The following PCDHGB1 variants were observed in gnomAD, a reference collection of about 807,000 sequenced individuals.
The protein encoded by PCDHGB1 is protocadherin gamma-B1.
Under a neutral mutation model 56.6 loss-of-function variants are expected in PCDHGB1, and 34 were observed. That is an observed-to-expected ratio of 0.60 (90% CI 0.46 to 0.80). The LOEUF is 0.80. Among genes scored for constraint, PCDHGB1 ranks in the 30% least tolerant of loss-of-function variants. The probability of loss-of-function intolerance (pLI) is 0.00; values close to 1 mark genes in which losing one functional copy is unlikely to be tolerated. For missense variants in PCDHGB1, 1,278 were observed against 1,204.6 expected (o/e 1.06, Z -0.90); for synonymous variants, 561 against 505.9 (o/e 1.11, Z -1.46).
chr5:141,419,744 G>C (rs760207269), intron 1 of PCDHGB1: 1 of 1,613,896 alleles, frequency 6.2e-7, no homozygotes, highest in Non-Finnish European at 8.5e-7. Context: ...GGTGCGCATG[G>C]TGCGTGCTTT....
In PCDHGB1 at chr5:141,415,612, G is replaced by A. The variant is rs745660439; in HGVS notation, c.2409+62943G>A. 12 of 1,612,854 alleles carry A rather than the reference G, an allele frequency of 7.4e-6. No homozygotes were observed. The South Asian group carries it at 1.2e-4, about 16-fold the overall frequency. ...TATAGAGGATACCCCATTGGTTCCA[G>A]TGAGTTTTATTTTCATTTTTACTTT... On this transcript the variant is annotated intron_variant, in intron 1 of 3. Transcript: ENST00000523390.
intron 1 of PCDHGB1, chr5:141,404,674 T>C: frequency 1.9e-6 from 3 of 1,614,176 alleles, no homozygotes; most frequent in East Asian, 2.2e-5. Context: ...GTTCTACTGG[T>C]GTGGAGCTGG....
intron 1 of PCDHGB1, among the ~76,000 whole-genome samples, chr5:141,480,615 AT>A (rs1279544819): frequency 2.0e-5 from 3 of 152,218 alleles, no homozygotes; most frequent in African/African-American, 7.2e-5. Context: ...AGCAACTGGC[AT>A]TTTCCCTAGA....
Position 141,487,176 on chromosome 5 carries a change from A to G in PCDHGB1, c.2410-7631A>G. On this transcript the variant is annotated intron_variant, in intron 1 of 3. Coordinates refer to ENST00000523390, the MANE Select transcript of PCDHGB1 (RefSeq NM_018922.3). The surrounding 1 kb of genome is among the most constrained non-coding windows in gnomAD (Gnocchi z 5.0). ...ACTCTCTTAGTGTCCTTAGAGGAAGACACTCATCCAGTTGTCCCAGATCTT... is the reference window on the plus strand; with the variant it reads ...ACTCTCTTAGTGTCCTTAGAGGAAGGCACTCATCCAGTTGTCCCAGATCTT... 1 of 1,613,774 alleles carries G rather than the reference A, an allele frequency of 6.2e-7. No homozygotes were observed. The highest frequency in any genetic ancestry group is 8.5e-7 in the Non-Finnish European group (1 of 1,179,664).
chr5:141,486,725 C>A lies in PCDHGB1; in HGVS notation c.2410-8082C>A. 1 of 1,614,182 alleles carries A rather than the reference C, an allele frequency of 6.2e-7. No individual in the cohort carries two copies. The highest frequency in any genetic ancestry group is 1.1e-5 in the South Asian group (1 of 91,076). On this transcript the variant is annotated intron_variant, in intron 1 of 3. Transcript: ENST00000523390. The surrounding 1 kb of genome is among the most constrained non-coding windows in gnomAD (Gnocchi z 5.0). ...TCTGAACCCCCAGACAGGAGCTGTT[C>A]ATGCTACTCGATCCTTTGACTATGA...
At chr5:141,458,984 C>T (rs2098958355) in intron 1 of PCDHGB1, among the ~76,000 whole-genome samples, 1 of 152,204 alleles carries the variant, frequency 6.6e-6, no homozygotes, top group Non-Finnish European at 1.5e-5. Context: ...CCTCCTGCCT[C>T]ACCCTCCCAA....
In PCDHGB1 at chr5:141,506,418, G is replaced by A. The variant is rs2099853241; in HGVS notation, c.2557+937G>A. Among the ~76,000 whole-genome samples, 3 of 141,160 alleles carry A rather than the reference G, an allele frequency of 2.1e-5. No homozygotes were observed. The South Asian group carries it at 6.6e-4, about 31-fold the overall frequency. 92.6% of individuals were successfully genotyped at this position (141,160 alleles called of 152,430 possible). The stretch of plus-strand genomic sequence containing the variant: ...CAGAAAATCGCACCACTGCACTCCA[G>A]CCTGGGCAACAGTCTCGCTCTGTCT... On this transcript the variant is annotated intron_variant, in intron 3 of 3. Coordinates refer to ENST00000523390, the MANE Select transcript of PCDHGB1 (RefSeq NM_018922.3).
chr5:141,372,939 G>T (rs1026338118), intron 1 of PCDHGB1: 1 of 824,796 alleles, frequency 1.2e-6, no homozygotes, highest in Non-Finnish European at 1.8e-6. Context: ...GTAGAGTAGG[G>T]TGTCTAGGAA....
chr5:141,439,115 C>A (rs2098087976), intron 1 of PCDHGB1, among the ~76,000 whole-genome samples: 1 of 151,476 alleles, frequency 6.6e-6, no homozygotes, highest in Non-Finnish European at 1.5e-5. Context: ...ATCACTTGAA[C>A]CCGGGAGACA....
chr5:141,422,883 C>A, intron 1 of PCDHGB1: 1 of 1,614,242 alleles, frequency 6.2e-7, no homozygotes, highest in Non-Finnish European at 8.5e-7. Flanking sequence ...TGAGCCTGTT[C>A]GTGCTGGACC....
chr5:141,433,401 A>ATCTATCTATCTATCTC (rs1444244130), intron 1 of PCDHGB1, among the ~76,000 whole-genome samples: 1 of 150,482 alleles, frequency 6.6e-6, no homozygotes, highest in African/African-American at 2.4e-5. Context: ...CTATCTATCT[A>ATCTATCTATCTATCTC]TCTATTACTT....
Position 141,477,931 on chromosome 5 carries a change from G to T in PCDHGB1, c.2410-16876G>T. 6.2e-7 allele frequency: 1 copy of T among 1,614,138 alleles called. No homozygotes were observed. Among genetic ancestry groups the T allele is most frequent in the Non-Finnish European group, 8.5e-7 (1 of 1,180,040 alleles). ...ACGCGGATGCAGGGCACAATGCCTG[G>T]CTCTCCTACAGTCTCTTGGGATCCC... On this transcript the variant is annotated intron_variant, in intron 1 of 3. Coordinates refer to ENST00000523390, the MANE Select transcript of PCDHGB1 (RefSeq NM_018922.3). This position sits in a 1 kb window ranked among gnomAD's most constrained non-coding sequence, Gnocchi z 4.9.
At position 141,511,313 on chromosome 5, in the gene PCDHGB1, CAGAA is replaced by C; in HGVS notation, c.*142_*145del. The C allele has an allele frequency of 2.0e-6, 3 of 1,482,944 alleles. No homozygotes were observed. In the South Asian group the frequency reaches 4.1e-5, roughly 20 times the overall value. 91.9% of individuals were successfully genotyped at this position (1,482,944 alleles called of 1,614,324 possible). ...CCAAGGCCATGCTCCCCTTGGGAAA[CAGAA>C]ACAAGTGCCCAGTCAGCACCTACCC... On this transcript the variant is annotated 3_prime_UTR_variant, in exon 4 of 4. Transcript: ENST00000523390.
At chr5:141,422,296 A>T (rs200545713) in intron 1 of PCDHGB1, 6 of 1,550,706 alleles carry the variant, frequency 3.9e-6, no homozygotes, top group Non-Finnish European at 4.3e-6. Context: ...TATTAATTCA[A>T]TTCTGGAAAA....
At chr5:141,352,729 C>A in intron 1 of PCDHGB1, 60 bp downstream of exon 1, 2 of 1,517,986 alleles carry the variant, frequency 1.3e-6, no homozygotes. Flanking sequence ...GTGGCTCAAG[C>A]CTGTAATCCC....
At position 141,431,496 on chromosome 5, in the gene PCDHGB1, A is replaced by C. The variant is rs1223687647; in HGVS notation, c.2410-63311A>C. On this transcript the variant is annotated intron_variant, in intron 1 of 3. Coordinates refer to ENST00000523390, the MANE Select transcript of PCDHGB1 (RefSeq NM_018922.3). This position sits in a 1 kb window ranked among gnomAD's most constrained non-coding sequence, Gnocchi z 4.8. ...AACGCACCAGCGTTTGCTCAGCCCGAGTACCGCGCGAGCGTTCCGGAGAAT... is the reference window on the plus strand; with the variant it reads ...AACGCACCAGCGTTTGCTCAGCCCGCGTACCGCGCGAGCGTTCCGGAGAAT... 5 of 1,614,020 alleles carry C rather than the reference A, an allele frequency of 3.1e-6. No individual in the cohort carries two copies. The South Asian group carries it at 4.4e-5, about 14-fold the overall frequency.
rs767225609 is a variant in PCDHGB1 at position 141,390,056 on chromosome 5, C to T, written c.2409+37387C>T. On this transcript the variant is annotated intron_variant, in intron 1 of 3. Transcript: ENST00000523390. ...CCTCCAGCCCCGCCTCCTGGAGCTG[C>T]TTCCAGCCTGGTCTCTGTGTTAAAT... 9 of 1,613,960 alleles carry T rather than the reference C, an allele frequency of 5.6e-6. No homozygotes were observed. In the Admixed American group the frequency reaches 1.3e-4, roughly 24 times the overall value.
intron 1 of PCDHGB1, chr5:141,426,986 C>T (rs764345099): frequency 1.8e-5 from 8 of 456,618 alleles, no homozygotes; most frequent in South Asian, 7.7e-5. Flanking sequence ...CTGATGCCAA[C>T]GATAATGCCC....
At chr5:141,504,986 AC>A (rs1225847397) in intron 2 of PCDHGB1, among the ~76,000 whole-genome samples, 4 of 151,936 alleles carry the variant, frequency 2.6e-5, no homozygotes, top group Non-Finnish European at 5.9e-5. Context: ...ACATGGTGAA[AC>A]CCCGTCTGTA....
Sources: allele counts gnomAD v4.1 joint callset (sites outside exome capture counted in the v4.1 genomes callset), GRCh38; gene constraint gnomAD v4.1.1; non-coding constraint Gnocchi (gnomAD v3.1); transcripts MANE v1.5; gene names NCBI Gene and HGNC (gene_info 2026-07-23, HGNC 2026-07-21).